RBM25: variants seen among roughly 807,000 people sequenced by gnomAD.
RBM25 encodes RNA-binding protein 25.
A neutral mutation model predicts 120.7 loss-of-function variants in RBM25; 19 were observed. That is an observed-to-expected ratio of 0.16 (90% CI 0.11 to 0.23). The LOEUF (loss-of-function observed/expected upper bound fraction) is 0.23, where lower values mean the gene tolerates loss of function less well. Among genes scored for constraint, RBM25 ranks in the 10% least tolerant of loss-of-function variants. The pLI, the probability that RBM25 is intolerant of heterozygous loss-of-function variation, is 1.00. For missense variants in RBM25, 605 were observed against 1,041.5 expected, an observed-to-expected ratio of 0.58 and a Z score of 5.77; for synonymous variants, 390 against 326.7, an observed-to-expected ratio of 1.19 and a Z score of -2.09.
Position 73,069,780 on chromosome 14 carries a change from G to A in RBM25, c.-15-1847G>A, listed in dbSNP as rs1386442841. The stretch of plus-strand genomic sequence containing the variant: ...AAAAAAAAAAAAAAAAAAAAAAAAA[G>A]TGTGTTGCTGAAAATAAAGTTTGAG... On this transcript the variant is annotated intron_variant, in intron 1 of 18. Transcript: ENST00000261973. 57 of 57,008 alleles carry A rather than the reference G, an allele frequency of 1.0e-3. 2 individuals are homozygous for A. Among genetic ancestry groups the A allele is most frequent in the Admixed American group, 1.3e-3 (6 of 4,618 alleles). The allele number at this position is 57,008 out of a possible 1,614,324, so 3.5% of individuals were successfully genotyped here.
At chr14:73,116,794 T>G (rs1420036473) in intron 18 of RBM25, among the ~76,000 whole-genome samples, 2 of 152,226 alleles carry the variant, frequency 1.3e-5, no homozygotes, top group Non-Finnish European at 2.9e-5. Flanking sequence ...TATTGATATT[T>G]GAAGTGTATT....
chr14:73,093,366 A>C (rs1304868135), intron 6 of RBM25, among the ~76,000 whole-genome samples: 1 of 152,252 alleles, frequency 6.6e-6, no homozygotes, highest in African/African-American at 2.4e-5. Context: ...CTTCACAGCT[A>C]CTAGCTTTAC....
chr14:73,095,650 A>G (rs1246375426), intron 6 of RBM25, among the ~76,000 whole-genome samples: 1 of 152,148 alleles, frequency 6.6e-6, no homozygotes, highest in Non-Finnish European at 1.5e-5. Flanking sequence ...TTTAAGAAAT[A>G]AAATGTTTGT....
intron 5 of RBM25, among the ~76,000 whole-genome samples, chr14:73,086,042 G>A (rs1895677252): frequency 6.6e-6 from 1 of 151,534 alleles, no homozygotes; most frequent in South Asian, 2.1e-4. Context: ...ATGACAATTT[G>A]TTCTAAGGTC....
Position 73,120,389 on chromosome 14 carries a change from C to G in RBM25, c.*584C>G, listed in dbSNP as rs563190153. On this transcript the variant is annotated 3_prime_UTR_variant, in exon 19 of 19. Coordinates refer to ENST00000261973, the MANE Select transcript of RBM25 (RefSeq NM_021239.3). The stretch of plus-strand genomic sequence containing the variant: ...TTCCCTAATTTGCTTTGGTGGGGTC[C>G]TTAAAACATTTCCCAACTAAAGAAT... The G allele has an allele frequency of 2.0e-5, 3 of 152,742 alleles. No individual in the cohort carries two copies. The highest frequency in any genetic ancestry group is 2.0e-4 in the Admixed American group (3 of 15,296). 9.5% of individuals were successfully genotyped at this position (152,742 alleles called of 1,614,324 possible).
rs1482892814 is a variant in RBM25, at chr14:73,111,820, T to A, written c.2292+18T>A. ...TGGATTCTGTGAGTAGGAAATTATA[T>A]TTCATCATATTATTGGGAACAGTTG... On this transcript the variant is annotated intron_variant, in intron 16 of 18. Transcript: ENST00000261973. 6.4e-7 allele frequency: 1 copy of A among 1,557,828 alleles called. No homozygotes were observed. Among genetic ancestry groups the A allele is most frequent in the East Asian group, 2.2e-5 (1 of 44,460 alleles).
rs1458175383 is a variant in RBM25 at position 73,103,339 on chromosome 14, A to G, written c.1015A>G (p.Lys339Glu). 6.3e-7 allele frequency: 1 copy of G among 1,594,218 alleles called. No homozygotes were observed. ...AAGAGAACGTGAACGAGAAAAGGAG[A>G]AAGAACGGGAGCGGGAACGAGAACG... The part of the protein sequence containing the change: ...REREREREKE[K>E]ERERERERDR... Residue 339 changes from lysine to glutamate, a missense_variant, in exon 10 of 19, where the codon AAA (lysine) becomes GAA (glutamate). Physicochemically the swap from Lys to Glu is moderately conservative, Grantham distance 56. Around this residue, in one of 4 missense-constraint regions of RBM25, gnomAD observed 465 missense variants for 741.6 expected, o/e 0.63. Transcript: ENST00000261973.
intron 1 of RBM25, among the ~76,000 whole-genome samples, chr14:73,067,661 T>TGG (rs1312809253): frequency 4.0e-5 from 6 of 150,872 alleles, no homozygotes. Context: ...TGGAGTGCAG[T>TGG]GGCGCGATCT....
intron 1 of RBM25, 62 bp from the exon 2 acceptor site, chr14:73,071,564 AG>A: frequency 1.7e-6 from 2 of 1,158,562 alleles, no homozygotes; most frequent in Middle Eastern, 1.9e-4. Context: ...AAGTCAACAA[AG>A]AAGGCATATA....
At position 73,076,375 on chromosome 14, in the gene RBM25, A is replaced by G. The variant is rs755172876; in HGVS notation, c.156+7A>G. On this transcript the variant is annotated splice_region_variant and intron_variant, in intron 3 of 18. Coordinates refer to ENST00000261973, the MANE Select transcript of RBM25 (RefSeq NM_021239.3). ...TATGGCTCCTGCTCCAACTGTAAGTATAACTTAAAGGAGGAATCATGAGTT... is the reference window on the plus strand; with the variant it reads ...TATGGCTCCTGCTCCAACTGTAAGTGTAACTTAAAGGAGGAATCATGAGTT... 16 of 1,606,704 alleles carry G rather than the reference A, an allele frequency of 1.0e-5. No individual in the cohort carries two copies. The highest frequency in any genetic ancestry group is 1.7e-5 in the Admixed American group (1 of 59,976).
At chr14:73,092,237 G>T (rs1046269332) in intron 6 of RBM25, among the ~76,000 whole-genome samples, 2 of 147,794 alleles carry the variant, frequency 1.4e-5, no homozygotes, top group African/African-American at 5.0e-5. Flanking sequence ...GAAAGTCGGA[G>T]AGTGAGAGAT....
Position 73,071,614 on chromosome 14 carries a change from C to CT in RBM25, c.-15-7dup. Reference sequence around the variant, plus strand: ...TTCAAATAAAATGATTTGTCATGTCCTTTTTTCTTTAGACTGCTGCAGTAA... The same window carrying CT: ...TTCAAATAAAATGATTTGTCATGTCCTTTTTTTCTTTAGACTGCTGCAGTAA... On this transcript the variant is annotated splice_polypyrimidine_tract_variant and intron_variant, in intron 1 of 18. Transcript: ENST00000261973. The CT allele has an allele frequency of 6.5e-7, 1 of 1,538,224 alleles. No individual in the cohort carries two copies. The highest frequency in any genetic ancestry group is 9.0e-7 in the Non-Finnish European group (1 of 1,112,704).
chr14:73,108,395 A>G (rs528552693), intron 13 of RBM25, among the ~76,000 whole-genome samples: 17 of 152,332 alleles, frequency 1.1e-4, no homozygotes, highest in African/African-American at 3.6e-4. Flanking sequence ...CTCTGTAACT[A>G]TCTGGGTTTT....
At chr14:73,087,823 T>G (rs1360345972) in intron 5 of RBM25, among the ~76,000 whole-genome samples, 178 bp from the exon 6 acceptor site, 2 of 152,222 alleles carry the variant, frequency 1.3e-5, no homozygotes, top group African/African-American at 4.8e-5. Context: ...CCCCTTTGGT[T>G]GTTTGAGGAT....
intron 7 of RBM25, 96 bp downstream of exon 7, chr14:73,097,196 CTTTTTTT>C (rs11390922): frequency 8.0e-5 from 11 of 137,516 alleles, no homozygotes; most frequent in South Asian, 4.7e-4. Context: ...TTTTTCTTTT[CTTTTTTT>C]TTTTTTTTTT....
At chr14:73,103,956 A>T (rs950608814) in intron 10 of RBM25, among the ~76,000 whole-genome samples, 21 of 101,626 alleles carry the variant, frequency 2.1e-4, no homozygotes, top group Admixed American at 4.0e-4. Flanking sequence ...TCTCACACAC[A>T]CACACACACA....
At chr14:73,118,270 G>A (rs185991103) in intron 18 of RBM25, among the ~76,000 whole-genome samples, 2 of 152,206 alleles carry the variant, frequency 1.3e-5, no homozygotes, top group East Asian at 3.9e-4. Context: ...GAGCCCAGGA[G>A]TTTGAGACCA....
At chr14:73,097,344 G>A (rs1672610549) in intron 7 of RBM25, among the ~76,000 whole-genome samples, 1 of 151,740 alleles carries the variant, frequency 6.6e-6, no homozygotes, top group Non-Finnish European at 1.5e-5. Context: ...GGGACTACAG[G>A]CATCCGCCAC....
intron 4 of RBM25, among the ~76,000 whole-genome samples, chr14:73,081,631 G>A (rs190642546): frequency 2.6e-5 from 4 of 152,272 alleles, no homozygotes; most frequent in East Asian, 1.9e-4. Flanking sequence ...TGTATATGAT[G>A]TACATGGTAT....
Sources: allele counts gnomAD v4.1 joint callset (sites outside exome capture counted in the v4.1 genomes callset), GRCh38; gene constraint gnomAD v4.1.1; regional missense constraint gnomAD v4.1.1; transcripts MANE v1.5; gene names NCBI Gene and HGNC (gene_info 2026-07-23, HGNC 2026-07-21).